The following BTBD9 variants were observed in gnomAD, a reference collection of about 807,000 sequenced individuals.
BTBD9 encodes the protein BTB/POZ domain-containing protein 9.
BTBD9 carries 49 observed loss-of-function variants against 64.3 expected under a neutral mutation model. The observed-to-expected ratio is 0.76, with a 90% CI of 0.61 to 0.97. The LOEUF (loss-of-function observed/expected upper bound fraction) is 0.97. Among genes scored for constraint, BTBD9 ranks in the 50% least tolerant of loss-of-function variants. The pLI, the probability that BTBD9 is intolerant of heterozygous loss-of-function variation, is 0.00. For missense variants in BTBD9, 598 were observed against 762.1 expected (o/e 0.78, Z 2.53); for synonymous variants, 260 against 274.7 (o/e 0.95, Z 0.53).
intron 6 of BTBD9, among the ~76,000 whole-genome samples, chr6:38,355,729 A>G (rs1290473144): frequency 6.6e-6 from 1 of 152,198 alleles, no homozygotes; most frequent in Non-Finnish European, 1.5e-5. Context: ...GCAAGCTATC[A>G]TCCTGGGATC....
At chr6:38,437,970 C>CATAG (rs2127305696) in intron 6 of BTBD9, among the ~76,000 whole-genome samples, 1 of 151,952 alleles carries the variant, frequency 6.6e-6, no homozygotes, top group South Asian at 2.1e-4. Flanking sequence ...TTCAAGGTCA[C>CATAG]ATAGAGCTAT....
intron 6 of BTBD9, among the ~76,000 whole-genome samples, chr6:38,521,071 A>G (rs1009085750): frequency 6.6e-6 from 1 of 152,068 alleles, no homozygotes; most frequent in African/African-American, 2.4e-5. Flanking sequence ...GGGACACAGG[A>G]GCCCAACAGT....
chr6:38,628,460 A>G (rs181453011), intron 1 of BTBD9, among the ~76,000 whole-genome samples: 118 of 152,308 alleles, frequency 7.7e-4, no homozygotes, highest in African/African-American at 2.7e-3. Context: ...TTCTGGGTAC[A>G]TTAAGAGTAT....
intron 6 of BTBD9, among the ~76,000 whole-genome samples, chr6:38,478,826 C>A (rs1771006270): frequency 6.6e-6 from 1 of 152,138 alleles, no homozygotes; most frequent in African/African-American, 2.4e-5. Context: ...TATATAATGA[C>A]CAAGTCGCCT....
chr6:38,590,501 G>A (rs1412900363), intron 4 of BTBD9, among the ~76,000 whole-genome samples: 1 of 152,176 alleles, frequency 6.6e-6, no homozygotes, highest in Non-Finnish European at 1.5e-5. Context: ...GATAAGTCAG[G>A]AGAGAATTCT....
In BTBD9 at chr6:38,169,179, G is replaced by T. The variant is rs1453088230; in HGVS notation, c.*5806C>A. ...GGAAGCAGCTGATTGAGGGGCCTGGGAAGACCCCATGGCCTCCAGCAGGTC... is the reference window on the plus strand; with the variant it reads ...GGAAGCAGCTGATTGAGGGGCCTGGTAAGACCCCATGGCCTCCAGCAGGTC... On this transcript the variant is annotated 3_prime_UTR_variant, in exon 11 of 11. Coordinates refer to ENST00000481247, the MANE Select transcript of BTBD9 (RefSeq NM_001099272.2). 6.6e-6 allele frequency: 1 copy of T among 152,394 alleles called. No homozygotes were observed. Among genetic ancestry groups the T allele is most frequent in the African/African-American group, 2.4e-5 (1 of 41,436 alleles). 9.4% of individuals were successfully genotyped at this position (152,394 alleles called of 1,614,324 possible).
intron 6 of BTBD9, among the ~76,000 whole-genome samples, chr6:38,416,637 C>T (rs987300447): frequency 6.6e-6 from 1 of 151,846 alleles, no homozygotes; most frequent in Non-Finnish European, 1.5e-5. Flanking sequence ...AGCCACCACG[C>T]CTGGCCCCCT....
intron 6 of BTBD9, among the ~76,000 whole-genome samples, chr6:38,508,208 T>A (rs1448020245): frequency 6.6e-6 from 1 of 152,192 alleles, no homozygotes; most frequent in Non-Finnish European, 1.5e-5. Context: ...TTGACAACTC[T>A]ATTTAGATGT....
At chr6:38,264,516 A>G (rs1336551753) in intron 8 of BTBD9, among the ~76,000 whole-genome samples, 1 of 152,212 alleles carries the variant, frequency 6.6e-6, no homozygotes, top group East Asian at 1.9e-4. Context: ...GACAAACAAC[A>G]CATTAGGGTC....
chr6:38,266,360 G>A (rs1320092515), intron 8 of BTBD9, among the ~76,000 whole-genome samples: 2 of 152,020 alleles, frequency 1.3e-5, no homozygotes, highest in African/African-American at 2.4e-5. Flanking sequence ...ATCACCCGAG[G>A]TCAGGAGTTC....
intron 1 of BTBD9, among the ~76,000 whole-genome samples, chr6:38,608,437 C>G (rs1037663572): frequency 1.3e-5 from 2 of 152,134 alleles, no homozygotes; most frequent in Non-Finnish European, 2.9e-5. Flanking sequence ...ATTTCTTCAG[C>G]GGCAACTTAT....
At chr6:38,531,650 GTATAA>G (rs1380668445) in intron 6 of BTBD9, among the ~76,000 whole-genome samples, 1 of 152,174 alleles carries the variant, frequency 6.6e-6, no homozygotes, top group Non-Finnish European at 1.5e-5. Context: ...AAGACAGACA[GTATAA>G]GAAGATATAA....
At chr6:38,360,636 G>C (rs1484730307) in intron 6 of BTBD9, among the ~76,000 whole-genome samples, 1 of 152,120 alleles carries the variant, frequency 6.6e-6, no homozygotes, top group African/African-American at 2.4e-5. Context: ...GGGGATGCCA[G>C]GAAAAAATGT....
intron 6 of BTBD9, among the ~76,000 whole-genome samples, chr6:38,412,866 C>T (rs57849048): frequency 2.4e-5 from 1 of 41,594 alleles, no homozygotes; most frequent in Non-Finnish European, 5.0e-5. Context: ...CTCAAAACAA[C>T]AACAACAACA....
At chr6:38,439,114 T>C (rs1478973633) in intron 6 of BTBD9, among the ~76,000 whole-genome samples, 1 of 143,684 alleles carries the variant, frequency 7.0e-6, no homozygotes, top group Non-Finnish European at 1.5e-5. Flanking sequence ...AACTGACTTT[T>C]TTTTTTTTTT....
At chr6:38,327,037 G>A (rs2127579083) in intron 7 of BTBD9, among the ~76,000 whole-genome samples, 1 of 152,158 alleles carries the variant, frequency 6.6e-6, no homozygotes, top group East Asian at 1.9e-4. Context: ...CTTCACCAAG[G>A]ACCATTTCCT....
chr6:38,568,711 A>G (rs1775629716), intron 6 of BTBD9, among the ~76,000 whole-genome samples: 1 of 152,216 alleles, frequency 6.6e-6, no homozygotes, highest in African/African-American at 2.4e-5. Context: ...CAACAATGAA[A>G]TATCTATGAA....
At chr6:38,635,036 A>C (rs940974815) in intron 1 of BTBD9, among the ~76,000 whole-genome samples, 2 of 152,218 alleles carry the variant, frequency 1.3e-5, no homozygotes, top group African/African-American at 4.8e-5. Context: ...GAACTTGTTC[A>C]AAAATGCAAT....
intron 7 of BTBD9, among the ~76,000 whole-genome samples, chr6:38,341,969 T>A (rs1698730964): frequency 6.6e-6 from 1 of 152,180 alleles, no homozygotes; most frequent in African/African-American, 2.4e-5. Flanking sequence ...TGAAGCTGCA[T>A]GAGGCATGAC....
Sources: gnomAD v4.1 joint callset for allele counts (sites outside exome capture counted in the v4.1 genomes callset) on GRCh38, gnomAD v4.1.1 for gene constraint, MANE v1.5 for transcripts, NCBI Gene and HGNC (gene_info 2026-07-23, HGNC 2026-07-21) for gene names.